The following FNIP2 variants were observed in gnomAD, a reference collection of about 807,000 sequenced individuals.
The protein encoded by FNIP2 is folliculin-interacting protein 2.
A neutral mutation model predicts 108.7 loss-of-function variants in FNIP2; 32 were observed. The ratio of observed to expected loss-of-function variants is 0.29; its 90% CI spans 0.22 to 0.40. The LOEUF (loss-of-function observed/expected upper bound fraction) is 0.40. Ranked by LOEUF, FNIP2 falls within the 10% of genes least tolerant of loss-of-function variation. The pLI, the probability that FNIP2 is intolerant of heterozygous loss-of-function variation, is 1.00. For missense variants in FNIP2, 1,202 were observed against 1,381.6 expected (o/e 0.87, Z 2.06); for synonymous variants, 480 against 496.7 (o/e 0.97, Z 0.45).
chr4:158,772,135 CA>C (rs1775717246), intron 1 of FNIP2, among the ~76,000 whole-genome samples: 1 of 152,136 alleles, frequency 6.6e-6, no homozygotes, highest in East Asian at 1.9e-4. Context: ...CAAAAGGAAT[CA>C]CGATTGACCA....
intron 14 of FNIP2, among the ~76,000 whole-genome samples, chr4:158,884,676 G>A (rs1002690021): frequency 6.6e-6 from 1 of 152,156 alleles, no homozygotes; most frequent in Non-Finnish European, 1.5e-5. Context: ...TACTGCCCAA[G>A]ACTGGGTAAT....
chr4:158,806,322 T>C (rs1283608099), intron 1 of FNIP2: 16 of 1,289,290 alleles, frequency 1.2e-5, no homozygotes, highest in Admixed American at 2.3e-5. Flanking sequence ...TGAGTGATGC[T>C]GTTCCTGGTG....
At chr4:158,806,483 T>G (rs570771197) in intron 1 of FNIP2, 4 of 1,137,966 alleles carry the variant, frequency 3.5e-6, no homozygotes, top group South Asian at 1.3e-5. Flanking sequence ...TACTGTGTAG[T>G]AAGGAGATGG....
At chr4:158,851,178 T>C (rs1241205776) in intron 7 of FNIP2, 143 bp from the exon 8 acceptor site, 1 of 878,908 alleles carries the variant, frequency 1.1e-6, no homozygotes, top group East Asian at 2.7e-5. Context: ...ATTTTTTTAG[T>C]GGCGAAGTGT....
At chr4:158,890,322 G>C (rs1160700656) in intron 14 of FNIP2, 1 of 984,978 alleles carries the variant, frequency 1.0e-6, no homozygotes, top group Non-Finnish European at 1.2e-6. Flanking sequence ...CCTATTACCA[G>C]GGTTTTTCCT....
intron 14 of FNIP2, among the ~76,000 whole-genome samples, chr4:158,879,064 C>T (rs1418590635): frequency 6.7e-6 from 1 of 149,684 alleles, no homozygotes; most frequent in Non-Finnish European, 1.5e-5. Flanking sequence ...ATGTGGTGGC[C>T]AGAGTGAAGA....
In FNIP2 at chr4:158,868,261, G is replaced by A; in HGVS notation, c.1625G>A (p.Gly542Asp). Residue 542 changes from glycine to aspartate, a missense_variant, in exon 13 of 17, where the codon GGT becomes GAT. Physicochemically the swap from Gly to Asp is moderately conservative, Grantham distance 94. Around this residue, in one of 5 missense-constraint regions of FNIP2, gnomAD observed 878 missense variants for 990.3 expected, o/e 0.89. Transcript: ENST00000264433. This position sits in a 1 kb window ranked among gnomAD's most constrained non-coding sequence, Gnocchi z 4.6. ...ENQLTWSGNH[G>D]EGDQVLNGSK... ...CAGCTGACCTGGAGTGGCAATCATG[G>A]TGAAGGTGACCAAGTTTTAAATGGG... The A allele has an allele frequency of 6.2e-7, 1 of 1,614,076 alleles. No individual in the cohort carries two copies. The highest frequency in any genetic ancestry group is 1.3e-5 in the African/African-American group (1 of 75,072).
Position 158,833,579 on chromosome 4 carries a change from G to A in FNIP2, c.606G>A (p.Leu202=), listed in dbSNP as rs755042383. ...YINQDPNLGK[L]NTNQNSLGPC... is the part of the protein sequence containing the mutation. ...ACCAAGATCCTAATTTGGGAAAACT[G>A]AACACAAATCAAAATAGTTTGGGTC... Residue 202 remains leucine, a synonymous_variant, in exon 6 of 17, where the codon CTG becomes CTA. Transcript: ENST00000264433. 2.2e-5 allele frequency: 36 copies of A among 1,610,886 alleles called. No individual in the cohort carries two copies. Among genetic ancestry groups the A allele is most frequent in the Non-Finnish European group, 3.0e-5 (35 of 1,179,146 alleles).
chr4:158,775,493 C>T (rs184066993), intron 1 of FNIP2, among the ~76,000 whole-genome samples: 7 of 152,214 alleles, frequency 4.6e-5, no homozygotes, highest in East Asian at 1.9e-4. Flanking sequence ...TCAACCCCAC[C>T]CCATCTGTAA....
chr4:158,828,584 A>T (rs1472259036), intron 2 of FNIP2, among the ~76,000 whole-genome samples: 1 of 152,052 alleles, frequency 6.6e-6, no homozygotes, highest in African/African-American at 2.4e-5. Flanking sequence ...CCGCTGCACT[A>T]CAGCCTGGCA....
chr4:158,818,053 G>C (rs958478675), intron 1 of FNIP2, among the ~76,000 whole-genome samples: 1 of 152,206 alleles, frequency 6.6e-6, no homozygotes, highest in African/African-American at 2.4e-5. Context: ...CTGTTTTAGA[G>C]TTTCACTTGA....
intron 14 of FNIP2, chr4:158,872,146 G>A (rs1780989248): frequency 4.1e-6 from 4 of 985,284 alleles, no homozygotes; most frequent in Non-Finnish European, 4.8e-6. Context: ...ATTGTCCTCA[G>A]TGACATCAGT....
chr4:158,890,348 ATT>A, intron 14 of FNIP2: 1 of 985,190 alleles, frequency 1.0e-6, no homozygotes, highest in Non-Finnish European at 1.2e-6. Flanking sequence ...TTTTCCTACT[ATT>A]CCCCCTTGGA....
intron 14 of FNIP2, among the ~76,000 whole-genome samples, chr4:158,875,012 G>A (rs1394110429): frequency 2.0e-5 from 3 of 150,880 alleles, no homozygotes; most frequent in East Asian, 2.0e-4. Flanking sequence ...GCTTGAACTC[G>A]GGAGGCAGAG....
chr4:158,880,797 C>T (rs1182868074), intron 14 of FNIP2, among the ~76,000 whole-genome samples: 3 of 152,016 alleles, frequency 2.0e-5, no homozygotes, highest in Non-Finnish European at 2.9e-5. Context: ...GGTGTGTTGG[C>T]CAAGGACGAC....
In FNIP2 at chr4:158,828,270, A is replaced by T. The variant is rs551486924; in HGVS notation, c.235-809A>T. Reference sequence around the variant, plus strand: ...TTTCATCCCTTACAAATTCAACCTCATGATTTTCCTTCCTGTTACCTTTAA... The same window carrying T: ...TTTCATCCCTTACAAATTCAACCTCTTGATTTTCCTTCCTGTTACCTTTAA... On this transcript the variant is annotated intron_variant, in intron 2 of 16. Coordinates refer to ENST00000264433, the MANE Select transcript of FNIP2 (RefSeq NM_020840.3). Among the ~76,000 whole-genome samples, 8 of 152,274 alleles carry T rather than the reference A, an allele frequency of 5.3e-5. No homozygotes were observed. The South Asian group carries it at 1.7e-3, about 32-fold the overall frequency.
chr4:158,773,424 G>GAGGCAGGGAGTC (rs1373187600), intron 1 of FNIP2, among the ~76,000 whole-genome samples: 1 of 152,188 alleles, frequency 6.6e-6, no homozygotes, highest in East Asian at 1.9e-4. Context: ...CATGTACCAT[G>GAGGCAGGGAGTC]TTGATGGGAG....
intron 16 of FNIP2, among the ~76,000 whole-genome samples, chr4:158,903,026 G>T (rs1729482554): frequency 6.6e-6 from 1 of 152,160 alleles, no homozygotes; most frequent in African/African-American, 2.4e-5. Context: ...GGGTGCCACT[G>T]AGGTATGGAA....
At chr4:158,837,749 A>C (rs1318316031) in intron 7 of FNIP2, among the ~76,000 whole-genome samples, 1 of 152,196 alleles carries the variant, frequency 6.6e-6, no homozygotes, top group Non-Finnish European at 1.5e-5. Flanking sequence ...AGGTGTTGAT[A>C]CCAGTGTGAA....
Sources: allele counts gnomAD v4.1 joint callset (sites outside exome capture counted in the v4.1 genomes callset), GRCh38; gene constraint gnomAD v4.1.1; regional missense constraint gnomAD v4.1.1; non-coding constraint Gnocchi (gnomAD v3.1); transcripts MANE v1.5; gene names NCBI Gene and HGNC (gene_info 2026-07-23, HGNC 2026-07-21).